ATP8A1: variants seen among roughly 807,000 people sequenced by gnomAD.
ATP8A1 encodes the protein phospholipid-transporting ATPase IA.
Under a neutral mutation model 177.7 loss-of-function variants are expected in ATP8A1, and 90 were observed. The observed-to-expected ratio is 0.51, with a 90% CI of 0.43 to 0.60. The LOEUF (loss-of-function observed/expected upper bound fraction) is 0.60. ATP8A1 is among the 20% of genes least tolerant of loss of function. ATP8A1 has a pLI of 0.00. For synonymous variants in ATP8A1, 493 were observed against 485.9 expected (o/e 1.01, Z -0.19); for missense variants, 1,072 against 1,392.8 (o/e 0.77, Z 3.67).
chr4:42,471,848 C>G (rs538923269), intron 25 of ATP8A1: 1 of 581,384 alleles, frequency 1.7e-6, no homozygotes. Context: ...AGCCCAACAG[C>G]GAGACGCCAA....
intron 8 of ATP8A1, among the ~76,000 whole-genome samples, chr4:42,587,611 C>CT (rs564079399): frequency 0.23 from 29,818 of 132,310 alleles, 3,188 homozygotes; most frequent in Middle Eastern, 0.34. Flanking sequence ...CCTTGTACAG[C>CT]TTTTTTTTTT....
At chr4:42,565,031 C>T (rs1343039410) in intron 15 of ATP8A1, among the ~76,000 whole-genome samples, 3 of 152,176 alleles carry the variant, frequency 2.0e-5, no homozygotes, top group Non-Finnish European at 4.4e-5. Context: ...TCTTTGCGTG[C>T]TGCCATCCAC....
At position 42,579,829 on chromosome 4, in the gene ATP8A1, C is replaced by T. The variant is rs757110109; in HGVS notation, c.984G>A (p.Trp328Ter). The change falls in exon 11 of 37, where the codon TGG becomes TGA. Residue 328 changes from tryptophan (W) to a stop codon, truncating the protein, a stop_gained. Transcript: ENST00000381668. LOFTEE classifies it high-confidence loss of function. ...IWNRRHSGKD[W>*]YLNLNYGGAS... ...ATTGCTTACAGTTTAGATTGAGATACCAGTCTTTTCCAGAATGCCTTCGAT... is the reference window on the plus strand; with the variant it reads ...ATTGCTTACAGTTTAGATTGAGATATCAGTCTTTTCCAGAATGCCTTCGAT... The T allele has an allele frequency of 1.9e-6, 3 of 1,613,194 alleles. No homozygotes were observed. Among genetic ancestry groups the T allele is most frequent in the Non-Finnish European group, 2.5e-6 (3 of 1,179,676 alleles).
chr4:42,580,552 T>C (rs968971398), intron 10 of ATP8A1, among the ~76,000 whole-genome samples: 2 of 152,232 alleles, frequency 1.3e-5, no homozygotes, highest in African/African-American at 4.8e-5. Context: ...AATGGTTATG[T>C]AGACCTGTGC....
At chr4:42,452,809 T>C (rs1312362405) in intron 29 of ATP8A1, among the ~76,000 whole-genome samples, 2 of 152,222 alleles carry the variant, frequency 1.3e-5, no homozygotes, top group East Asian at 3.8e-4. Context: ...TCTGAACAGT[T>C]GTAGTTTTGT....
chr4:42,494,390 G>T (rs766998227), intron 24 of ATP8A1, among the ~76,000 whole-genome samples: 4 of 152,032 alleles, frequency 2.6e-5, no homozygotes, highest in African/African-American at 9.7e-5. Context: ...CACGAGAATC[G>T]CTTGAACCTG....
chr4:42,586,008 C>T (rs1733575221), intron 9 of ATP8A1, among the ~76,000 whole-genome samples: 1 of 152,180 alleles, frequency 6.6e-6, no homozygotes, highest in South Asian at 2.1e-4. Context: ...ATAGTTAAGC[C>T]TATAACACGA....
In ATP8A1 at chr4:42,624,557, G is replaced by C; in HGVS notation, c.342C>G (p.Ile114Met). The C allele has an allele frequency of 1.3e-6, 2 of 1,486,628 alleles. No homozygotes were observed. The highest frequency in any genetic ancestry group is 1.8e-6 in the Non-Finnish European group (2 of 1,113,136). 92.1% of individuals were successfully genotyped at this position (1,486,628 alleles called of 1,614,324 possible). A position where few individuals can be genotyped will look rare whatever the true frequency, so the allele number is the denominator to read the frequency against. The change falls in exon 4 of 37, where the codon ATC (isoleucine) becomes ATG (methionine). Residue 114 changes from isoleucine (I) to methionine (M), a missense_variant. Coordinates refer to ENST00000381668, the MANE Select transcript of ATP8A1 (RefSeq NM_006095.2). ...PLLFILAVAAIKEIIEDIKRH... is the reference protein window; with the variant it reads ...PLLFILAVAAMKEIIEDIKRH... ...TTACAATATCTTCTATTATCTCTTT[G>C]ATAGCTGCCACAGCTAAAATAAATA...
intron 4 of ATP8A1, among the ~76,000 whole-genome samples, chr4:42,618,699 T>C (rs1413964237): frequency 1.3e-5 from 2 of 152,232 alleles, no homozygotes; most frequent in Non-Finnish European, 2.9e-5. Flanking sequence ...CTTCCTTGCA[T>C]GGAGCTTACA....
chr4:42,616,151 CA>C, intron 4 of ATP8A1, 73 bp from the exon 5 acceptor site: 4 of 1,279,564 alleles, frequency 3.1e-6, no homozygotes, highest in Admixed American at 2.1e-5. Flanking sequence ...GCACTCATAC[CA>C]AAAAAGATTT....
At chr4:42,605,458 T>C (rs986213370) in intron 5 of ATP8A1, among the ~76,000 whole-genome samples, 3 of 152,178 alleles carry the variant, frequency 2.0e-5, no homozygotes, top group African/African-American at 7.2e-5. Context: ...ATCCACTTTG[T>C]TGGGTGCCAT....
At chr4:42,470,265 C>T (rs1275250918) in intron 25 of ATP8A1, among the ~76,000 whole-genome samples, 4 of 152,182 alleles carry the variant, frequency 2.6e-5, no homozygotes, top group Non-Finnish European at 5.9e-5. Flanking sequence ...GCTGTAGTTT[C>T]TGCACATGTT....
chr4:42,470,809 G>A (rs1429511654), intron 25 of ATP8A1, among the ~76,000 whole-genome samples: 1 of 152,104 alleles, frequency 6.6e-6, no homozygotes, highest in African/African-American at 2.4e-5. Flanking sequence ...TTAAATTTGA[G>A]GTCTGCTCCA....
At chr4:42,580,794 A>G (rs1732956182) in intron 10 of ATP8A1, among the ~76,000 whole-genome samples, 1 of 152,190 alleles carries the variant, frequency 6.6e-6, no homozygotes. Flanking sequence ...TATTGATGGT[A>G]TAACACAGGG....
intron 35 of ATP8A1, among the ~76,000 whole-genome samples, chr4:42,415,444 A>G (rs1713125466): frequency 6.7e-6 from 1 of 149,570 alleles, no homozygotes. Flanking sequence ...AAAATAAGGC[A>G]TCTTCTCCCC....
intron 24 of ATP8A1, among the ~76,000 whole-genome samples, chr4:42,499,114 C>T (rs1405326056): frequency 6.6e-6 from 1 of 152,140 alleles, no homozygotes. Context: ...GTGGTGGCTC[C>T]TGATCAGGCT....
At chr4:42,503,384 G>T in intron 24 of ATP8A1, 66 bp downstream of exon 24, 1 of 933,080 alleles carries the variant, frequency 1.1e-6, no homozygotes, top group Non-Finnish European at 1.6e-6. Flanking sequence ...ATAGCTATCT[G>T]AATATAAAAT....
chr4:42,412,729 G>A lies in ATP8A1; in HGVS notation c.*187C>T. 2.1e-6 allele frequency: 1 copy of A among 485,270 alleles called. No individual in the cohort carries two copies. The highest frequency in any genetic ancestry group is 5.2e-4 in the Middle Eastern group (1 of 1,934). The allele number at this position is 485,270 out of a possible 1,614,324, so 30.1% of individuals were successfully genotyped here. A position where few individuals can be genotyped will look rare whatever the true frequency, so the allele number is the denominator to read the frequency against. ...ACCTTAAAAAAATCCAAAAGAGATG[G>A]TGTTACAGTACAGTTGCACAGTGCT... On this transcript the variant is annotated 3_prime_UTR_variant, in exon 37 of 37. Transcript: ENST00000381668.
intron 33 of ATP8A1, among the ~76,000 whole-genome samples, chr4:42,433,906 C>T (rs1214202116): frequency 6.6e-6 from 1 of 150,454 alleles, no homozygotes; most frequent in Admixed American, 6.6e-5. Flanking sequence ...GGAGGAAGAG[C>T]TAGTTGGGAC....
Sources: gnomAD v4.1 joint callset for allele counts (sites outside exome capture counted in the v4.1 genomes callset) on GRCh38, gnomAD v4.1.1 for gene constraint, MANE v1.5 for transcripts, NCBI Gene and HGNC (gene_info 2026-07-23, HGNC 2026-07-21) for gene names.